Variants in EIF4G3 observed in about 807,000 individuals in gnomAD.
EIF4G3 encodes the protein eukaryotic translation initiation factor 4 gamma 3.
EIF4G3 carries 34 observed loss-of-function variants against 186.4 expected under a neutral mutation model. That is an observed-to-expected ratio of 0.18 (90% CI 0.14 to 0.24). EIF4G3 has a LOEUF of 0.24. Ranked by LOEUF, EIF4G3 falls within the 10% of genes least tolerant of loss-of-function variation. The pLI, the probability that EIF4G3 is intolerant of heterozygous loss-of-function variation, is 1.00. For missense variants in EIF4G3, 1,536 were observed against 1,948.5 expected (o/e 0.79, Z 3.99); for synonymous variants, 673 against 679.5 (o/e 0.99, Z 0.15).
At chr1:20,982,484 G>C (rs1421969058) in intron 7 of EIF4G3, 76 bp from the exon 8 acceptor site, 3 of 1,138,448 alleles carry the variant, frequency 2.6e-6, no homozygotes, top group Non-Finnish European at 3.7e-6. Flanking sequence ...AGTTGGAAGG[G>C]ACAGGAAATA....
intron 18 of EIF4G3, among the ~76,000 whole-genome samples, chr1:20,891,348 C>T (rs2085962435): frequency 1.3e-5 from 2 of 151,752 alleles, no homozygotes; most frequent in Admixed American, 1.3e-4. Context: ...TGCTATTATC[C>T]ACAGAATATT....
chr1:20,914,378 G>A (rs1477602016), intron 14 of EIF4G3, among the ~76,000 whole-genome samples: 2 of 152,074 alleles, frequency 1.3e-5, no homozygotes, highest in African/African-American at 4.8e-5. Context: ...AGGGAGGTAG[G>A]AGAAACACAG....
intron 12 of EIF4G3, among the ~76,000 whole-genome samples, chr1:20,959,725 A>C (rs1230022101): frequency 2.6e-5 from 4 of 151,536 alleles, no homozygotes; most frequent in Non-Finnish European, 4.4e-5. Context: ...AAAGGACATG[A>C]ATAGACATTT....
intron 2 of EIF4G3, among the ~76,000 whole-genome samples, chr1:21,147,184 C>A (rs2097457398): frequency 6.6e-6 from 1 of 151,646 alleles, no homozygotes; most frequent in East Asian, 2.0e-4. Context: ...ATCTCTTGAA[C>A]CCGGGAGGCG....
intron 2 of EIF4G3, among the ~76,000 whole-genome samples, chr1:21,120,107 C>A (rs376710126): frequency 1.3e-5 from 2 of 150,512 alleles, no homozygotes; most frequent in African/African-American, 2.5e-5. Flanking sequence ...CTGCAAAGAT[C>A]GTTTCTAGCA....
chr1:20,904,541 G>T (rs1381424608), intron 15 of EIF4G3, among the ~76,000 whole-genome samples: 3 of 152,024 alleles, frequency 2.0e-5, no homozygotes, highest in Non-Finnish European at 2.9e-5. Context: ...TACAGTCAGG[G>T]TCTCCTTATG....
At chr1:21,052,592 C>G (rs1242251154) in intron 3 of EIF4G3, among the ~76,000 whole-genome samples, 3 of 152,092 alleles carry the variant, frequency 2.0e-5, no homozygotes, top group African/African-American at 7.2e-5. Context: ...CCCACGGTCT[C>G]CCTCTCCCTC....
At position 21,002,755 on chromosome 1, in the gene EIF4G3, T is replaced by C. The variant is rs762454293; in HGVS notation, c.-13A>G. 1.8e-5 allele frequency: 29 copies of C among 1,613,708 alleles called. No individual in the cohort carries two copies. The highest frequency in any genetic ancestry group is 2.3e-5 in the Non-Finnish European group (27 of 1,179,876). On this transcript the variant is annotated 5_prime_UTR_variant, in exon 5 of 37. Coordinates refer to ENST00000602326, the MANE Select transcript of EIF4G3 (RefSeq NM_001391906.1). ...GTTGTGAATTCATTGTCTGAGGGGT[T>C]TGAGGGTATACCAGCGTGGTTGGAC...
In EIF4G3 at chr1:20,860,388, G is replaced by A. The variant is rs559289896; in HGVS notation, c.3241C>T (p.Pro1081Ser). 8.1e-6 allele frequency: 13 copies of A among 1,613,844 alleles called. No individual in the cohort carries two copies. In the African/African-American group the frequency reaches 1.5e-4, roughly 18 times the overall value. Residue 1081 changes from proline to serine, a missense_variant, in exon 24 of 37, where the codon CCA becomes TCA. Coordinates refer to ENST00000602326, the MANE Select transcript of EIF4G3 (RefSeq NM_001391906.1). ...CCCTGGTGGATTCCGGCCTCACCTGGTCTTCTCTTCTCTTTGGTCATGAGT... is the reference window on the plus strand; with the variant it reads ...CCCTGGTGGATTCCGGCCTCACCTGATCTTCTCTTCTCTTTGGTCATGAGT... ...QQLMTKEKRRPGVQRVDEGGW... is the reference protein window; with the variant it reads ...QQLMTKEKRRSGVQRVDEGGW...
intron 4 of EIF4G3, among the ~76,000 whole-genome samples, chr1:21,033,182 G>A (rs1441541198): frequency 6.6e-6 from 1 of 152,106 alleles, no homozygotes; most frequent in African/African-American, 2.4e-5. Context: ...TACCTGATGT[G>A]TAAGTTTTTG....
rs1299001035 is a variant in EIF4G3 at position 20,810,186 on chromosome 1, C to T, written c.4744+552G>A. Among the ~76,000 whole-genome samples the T allele has an allele frequency of 2.7e-5, 4 of 150,348 alleles. No homozygotes were observed. Among genetic ancestry groups the T allele is most frequent in the Admixed American group, 6.6e-5 (1 of 15,056 alleles). On this transcript the variant is annotated intron_variant, in intron 36 of 36. Coordinates refer to ENST00000602326, the MANE Select transcript of EIF4G3 (RefSeq NM_001391906.1). The surrounding 1 kb of genome is among the most constrained non-coding windows in gnomAD (Gnocchi z 4.1). ...TTTTTTTTTTTTTGAGATAGAGTCT[C>T]GCTCTGTCGCCAGGCTGGAGTGCAG... is the stretch of plus-strand genomic sequence containing the variant.
At chr1:20,819,508 A>G (rs1289694407) in intron 33 of EIF4G3, among the ~76,000 whole-genome samples, 2 of 151,798 alleles carry the variant, frequency 1.3e-5, no homozygotes, top group South Asian at 2.1e-4. Flanking sequence ...CCCGGGTTGC[A>G]GTGCAATGGC....
chr1:20,982,305 A>G, intron 8 of EIF4G3, 83 bp downstream of exon 8: 1 of 971,450 alleles, frequency 1.0e-6, no homozygotes, highest in Non-Finnish European at 1.5e-6. Flanking sequence ...ATGTGAATGT[A>G]TCCATTCATT....
At chr1:21,073,774 C>T (rs999688175) in intron 3 of EIF4G3, 1 of 411,448 alleles carries the variant, frequency 2.4e-6, no homozygotes, top group Non-Finnish European at 4.9e-6. Flanking sequence ...CTGGATCATT[C>T]TGAGTGCCTG....
chr1:20,906,762 A>C (rs1054968833), intron 14 of EIF4G3, among the ~76,000 whole-genome samples: 1 of 152,042 alleles, frequency 6.6e-6, no homozygotes, highest in East Asian at 1.9e-4. Flanking sequence ...GAGGGACAGA[A>C]AGAGCACAGA....
chr1:20,906,637 TATAACATATTTAAC>T (rs1340526890), intron 14 of EIF4G3, among the ~76,000 whole-genome samples: 2 of 152,056 alleles, frequency 1.3e-5, no homozygotes, highest in Non-Finnish European at 2.9e-5. Flanking sequence ...CCTTCAGTAA[TATAACATATTTAAC>T]ATACTTGGAA....
chr1:20,897,485 G>A (rs765711577), intron 16 of EIF4G3, among the ~76,000 whole-genome samples: 1 of 150,124 alleles, frequency 6.7e-6, no homozygotes, highest in Non-Finnish European at 1.5e-5. Flanking sequence ...TATGCAGTTA[G>A]ATACTAAGTT....
intron 34 of EIF4G3, among the ~76,000 whole-genome samples, chr1:20,815,665 C>T (rs2060489642): frequency 6.7e-6 from 1 of 149,328 alleles, no homozygotes; most frequent in Non-Finnish European, 1.5e-5. Context: ...GGGGTCAGCC[C>T]CCCGCCCGGC....
At chr1:21,165,863 T>TA (rs2097846783) in intron 2 of EIF4G3, among the ~76,000 whole-genome samples, 1 of 152,040 alleles carries the variant, frequency 6.6e-6, no homozygotes, top group Admixed American at 6.6e-5. Context: ...AGCTGTTTTT[T>TA]AAAAAAGTAA....
Sources: gnomAD v4.1 joint callset for allele counts (sites outside exome capture counted in the v4.1 genomes callset) on GRCh38, gnomAD v4.1.1 for gene constraint, Gnocchi (gnomAD v3.1) non-coding constraint, MANE v1.5 for transcripts, NCBI Gene and HGNC (gene_info 2026-07-23, HGNC 2026-07-21) for gene names.